The following SLC35F3 variants were observed in gnomAD, a reference collection of about 807,000 sequenced individuals.
The protein encoded by SLC35F3 is putative thiamine transporter SLC35F3.
In SLC35F3, 25 loss-of-function variants were observed where a neutral mutation model predicts 49.9. That is an observed-to-expected ratio of 0.50 (90% CI 0.37 to 0.70). The LOEUF is 0.70. Among genes scored for constraint, SLC35F3 ranks in the 30% least tolerant of loss-of-function variants. The pLI is 0.00. For synonymous variants in SLC35F3, 275 were observed against 265.4 expected, an observed-to-expected ratio of 1.04 and a Z score of -0.35; for missense variants, 525 against 639.8, an observed-to-expected ratio of 0.82 and a Z score of 1.94.
At chr1:234,293,336 G>A (rs1180069510) in intron 3 of SLC35F3, among the ~76,000 whole-genome samples, 1 of 152,218 alleles carries the variant, frequency 6.6e-6, no homozygotes, top group Non-Finnish European at 1.5e-5. Flanking sequence ...CTGAGTCTAG[G>A]AGGCGAGGAA....
intron 2 of SLC35F3, among the ~76,000 whole-genome samples, chr1:234,052,216 C>A (rs1046963130): frequency 6.6e-6 from 1 of 152,166 alleles, no homozygotes; most frequent in Non-Finnish European, 1.5e-5. Flanking sequence ...AGGAATGGTA[C>A]CAGCTCCTCT....
At chr1:234,066,831 CA>C (rs1664627946) in intron 2 of SLC35F3, among the ~76,000 whole-genome samples, 2 of 6,896 alleles carry the variant, frequency 2.9e-4, no homozygotes, top group Non-Finnish European at 4.3e-4. Context: ...CTCTCTCTCC[CA>C]CACACACACA....
At chr1:234,186,876 G>T (rs1326395378) in intron 2 of SLC35F3, among the ~76,000 whole-genome samples, 2 of 152,152 alleles carry the variant, frequency 1.3e-5, no homozygotes. Flanking sequence ...GCTCAGGGCT[G>T]TGGAGCTCCT....
chr1:234,114,601 T>C (rs1665457085), intron 2 of SLC35F3, among the ~76,000 whole-genome samples: 1 of 152,242 alleles, frequency 6.6e-6, no homozygotes, highest in African/African-American at 2.4e-5. Flanking sequence ...GAAAAGAATG[T>C]CTTTGTTTGC....
intron 2 of SLC35F3, among the ~76,000 whole-genome samples, chr1:234,171,252 C>T (rs73108451): frequency 0.11 from 17,396 of 152,172 alleles, 3,174 homozygotes; most frequent in African/African-American, 0.39. Flanking sequence ...TTGAGGAAGC[C>T]TTGAAGGGTA....
At chr1:233,915,852 G>A (rs139231143) in intron 2 of SLC35F3, among the ~76,000 whole-genome samples, 283 of 152,222 alleles carry the variant, frequency 1.9e-3, no homozygotes, top group Non-Finnish European at 3.3e-3. Context: ...ACTATCATGA[G>A]AACAACATGG....
At chr1:234,154,768 T>TTTC (rs1388454058) in intron 2 of SLC35F3, among the ~76,000 whole-genome samples, 2 of 152,230 alleles carry the variant, frequency 1.3e-5, no homozygotes, top group African/African-American at 4.8e-5. Context: ...GTAGTTAGTA[T>TTTC]TTCTAAAGGT....
intron 3 of SLC35F3, among the ~76,000 whole-genome samples, chr1:234,248,239 G>A (rs796100775): frequency 2.0e-5 from 3 of 151,666 alleles, no homozygotes; most frequent in African/African-American, 7.2e-5. Flanking sequence ...TGTTTGGTGG[G>A]TCGGTTGTTT....
At chr1:234,204,184 T>C (rs1666939022) in intron 2 of SLC35F3, among the ~76,000 whole-genome samples, 1 of 152,186 alleles carries the variant, frequency 6.6e-6, no homozygotes, top group Non-Finnish European at 1.5e-5. Flanking sequence ...TTGAAGCTTA[T>C]CTATATTCAC....
chr1:234,171,359 C>T (rs536103427), intron 2 of SLC35F3, among the ~76,000 whole-genome samples: 88 of 152,258 alleles, frequency 5.8e-4, no homozygotes, highest in South Asian at 1.5e-3. Flanking sequence ...GTGATTCTAA[C>T]GTGTAGCTGG....
intron 2 of SLC35F3, among the ~76,000 whole-genome samples, chr1:234,077,757 C>T (rs1664814401): frequency 6.6e-6 from 1 of 152,164 alleles, no homozygotes; most frequent in South Asian, 2.1e-4. Context: ...CCAGAAAAAT[C>T]TCACAGCACA....
At chr1:234,055,835 C>T (rs1422024462) in intron 2 of SLC35F3, among the ~76,000 whole-genome samples, 1 of 152,144 alleles carries the variant, frequency 6.6e-6, no homozygotes, top group Non-Finnish European at 1.5e-5. Flanking sequence ...TACTAGGCTT[C>T]TTCTTAGATG....
intron 2 of SLC35F3, among the ~76,000 whole-genome samples, chr1:234,188,697 G>A (rs1014228470): frequency 6.6e-6 from 1 of 152,068 alleles, no homozygotes; most frequent in African/African-American, 2.4e-5. Context: ...TACTACCACA[G>A]CTGATGCTCT....
chr1:233,949,884 C>T (rs1662575603), intron 2 of SLC35F3, among the ~76,000 whole-genome samples: 1 of 152,078 alleles, frequency 6.6e-6, no homozygotes, highest in South Asian at 2.1e-4. Flanking sequence ...ACCCAAAAGC[C>T]GTACTTCAGA....
chr1:234,255,469 C>G (rs1185765375), intron 3 of SLC35F3, among the ~76,000 whole-genome samples: 2 of 152,154 alleles, frequency 1.3e-5, no homozygotes, highest in East Asian at 3.8e-4. Context: ...CTAAACATAC[C>G]TGTATAAAAG....
intron 2 of SLC35F3, among the ~76,000 whole-genome samples, chr1:234,159,617 C>T (rs1382237997): frequency 6.6e-6 from 1 of 152,166 alleles, no homozygotes; most frequent in African/African-American, 2.4e-5. Flanking sequence ...GTAACATTGC[C>T]TTGGGAATTC....
At chr1:234,161,030 C>T (rs535442234) in intron 2 of SLC35F3, among the ~76,000 whole-genome samples, 1 of 152,314 alleles carries the variant, frequency 6.6e-6, no homozygotes, top group Admixed American at 6.5e-5. Context: ...CTGTGACCCT[C>T]AGTGACGATG....
intron 2 of SLC35F3, among the ~76,000 whole-genome samples, chr1:234,211,928 T>C (rs889163976): frequency 6.6e-6 from 1 of 152,156 alleles, no homozygotes; most frequent in African/African-American, 2.4e-5. Flanking sequence ...AATTCCCATA[T>C]GTTGTGGGAG....
Position 234,046,709 on chromosome 1 carries a change from A to G in SLC35F3, c.283+140951A>G, listed in dbSNP as rs1268117552. ...AAGATATTCTTCTACTATTTTGAAAATTTTAAACATTTCCTTTATGCATTT... is the reference window on the plus strand; with the variant it reads ...AAGATATTCTTCTACTATTTTGAAAGTTTTAAACATTTCCTTTATGCATTT... On this transcript the variant is annotated intron_variant, in intron 2 of 7. Coordinates refer to ENST00000366618, the MANE Select transcript of SLC35F3 (RefSeq NM_173508.4). The surrounding 1 kb of genome is among the most constrained non-coding windows in gnomAD (Gnocchi z 4.4). Among the ~76,000 whole-genome samples, 2 of 152,194 alleles carry G rather than the reference A, an allele frequency of 1.3e-5. No homozygotes were observed. The highest frequency in any genetic ancestry group is 2.9e-5 in the Non-Finnish European group (2 of 68,022).
Sources: allele counts gnomAD v4.1 joint callset (sites outside exome capture counted in the v4.1 genomes callset), GRCh38; gene constraint gnomAD v4.1.1; non-coding constraint Gnocchi (gnomAD v3.1); transcripts MANE v1.5; gene names NCBI Gene and HGNC (gene_info 2026-07-23, HGNC 2026-07-21).